GRIK4: variants seen among roughly 807,000 people sequenced by gnomAD.
GRIK4 encodes glutamate ionotropic receptor kainate type subunit 4, also known as glutamate receptor ionotropic, kainate 4.
Under a neutral mutation model 104.9 loss-of-function variants are expected in GRIK4, and 40 were observed. That is an observed-to-expected ratio of 0.38 (90% CI 0.30 to 0.50). The LOEUF (loss-of-function observed/expected upper bound fraction) is 0.50. GRIK4 is among the 20% of genes least tolerant of loss of function. The probability of loss-of-function intolerance (pLI) is 0.93; values close to 1 mark genes in which losing one functional copy is unlikely to be tolerated. For missense variants in GRIK4, 1,047 were observed against 1,308.1 expected (o/e 0.80, Z 3.08); for synonymous variants, 485 against 524.9 (o/e 0.92, Z 1.04).
chr11:120,891,088 T>A (rs969005576), intron 11 of GRIK4, among the ~76,000 whole-genome samples: 3 of 152,256 alleles, frequency 2.0e-5, no homozygotes, highest in Non-Finnish European at 4.4e-5. Context: ...ATGACAGCCC[T>A]GTGTGATTCT....
In GRIK4 at chr11:120,972,869, C is replaced by T. The variant is rs60175369; in HGVS notation, c.2395+5546C>T. On this transcript the variant is annotated intron_variant, in intron 19 of 20. Transcript: ENST00000527524. ...GCAAACCCCAGAAATATGTGCCATG[C>T]CTTAGTGAAGTGGGGGACGTAAGAG... is the stretch of plus-strand genomic sequence containing the variant. Among the ~76,000 whole-genome samples, 986 of 152,080 alleles carry T rather than the reference C, an allele frequency of 6.5e-3. 10 individuals are homozygous for T. The highest frequency in any genetic ancestry group is 0.023 in the African/African-American group (937 of 41,446).
chr11:120,954,866 G>A (rs4936568), intron 15 of GRIK4, among the ~76,000 whole-genome samples: 46,538 of 148,188 alleles, frequency 0.31, 7,746 homozygotes, highest in African/African-American at 0.42. Flanking sequence ...CTGTCTTAAG[G>A]TAGTGATTTT....
intron 9 of GRIK4, chr11:120,870,014 A>G (rs1390356810): frequency 6.6e-6 from 1 of 152,396 alleles, no homozygotes; most frequent in East Asian, 1.9e-4. Flanking sequence ...TGGCTGCAGC[A>G]GTCCAAGCAT....
chr11:120,808,954 C>T (rs1460249223), intron 4 of GRIK4, among the ~76,000 whole-genome samples: 1 of 152,136 alleles, frequency 6.6e-6, no homozygotes, highest in Non-Finnish European at 1.5e-5. Flanking sequence ...CTGAGCAGCT[C>T]CTCACTGTCA....
intron 1 of GRIK4, among the ~76,000 whole-genome samples, chr11:120,530,800 G>C (rs1429447625): frequency 6.6e-6 from 1 of 152,144 alleles, no homozygotes; most frequent in Non-Finnish European, 1.5e-5. Context: ...GGGTGTGGAG[G>C]GGATTCATTC....
chr11:120,684,834 C>CT (rs1163487626), intron 3 of GRIK4, among the ~76,000 whole-genome samples: 2 of 152,188 alleles, frequency 1.3e-5, no homozygotes, highest in Admixed American at 1.3e-4. Flanking sequence ...CCTCAGCCTC[C>CT]GAGTAGCTGG....
chr11:120,598,442 G>A (rs1469774937), intron 1 of GRIK4, among the ~76,000 whole-genome samples: 1 of 152,188 alleles, frequency 6.6e-6, no homozygotes, highest in Non-Finnish European at 1.5e-5. Flanking sequence ...CCTGCGTGGT[G>A]GAACCTGCCC....
intron 14 of GRIK4, among the ~76,000 whole-genome samples, chr11:120,946,185 C>G (rs1271691143): frequency 1.3e-5 from 2 of 152,200 alleles, no homozygotes; most frequent in South Asian, 4.1e-4. Flanking sequence ...AGTTTTCTGT[C>G]TCTTTTTTTC....
chr11:120,757,332 A>G (rs1951671381), intron 3 of GRIK4, among the ~76,000 whole-genome samples: 1 of 152,236 alleles, frequency 6.6e-6, no homozygotes, highest in South Asian at 2.1e-4. Context: ...CTTTTAGCCA[A>G]ACCTCAGCTC....
chr11:120,909,001 G>A (rs1288262607), intron 13 of GRIK4, among the ~76,000 whole-genome samples: 2 of 152,246 alleles, frequency 1.3e-5, no homozygotes, highest in African/African-American at 4.8e-5. Context: ...CATCACAGCA[G>A]CCCAAAGACG....
intron 3 of GRIK4, among the ~76,000 whole-genome samples, chr11:120,709,025 G>A (rs538782937): frequency 1.3e-5 from 2 of 152,156 alleles, no homozygotes; most frequent in African/African-American, 2.4e-5. Context: ...ATGGATGTGA[G>A]ATGTATAAAT....
At chr11:120,675,961 T>C (rs536085209) in intron 3 of GRIK4, among the ~76,000 whole-genome samples, 2 of 152,208 alleles carry the variant, frequency 1.3e-5, no homozygotes, top group Non-Finnish European at 2.9e-5. Context: ...AGGTCAGAAG[T>C]CTTAACTGAG....
At chr11:120,661,452 G>C (rs1375834154) in intron 3 of GRIK4, among the ~76,000 whole-genome samples, 8 of 152,228 alleles carry the variant, frequency 5.3e-5, no homozygotes, top group Non-Finnish European at 1.2e-4. Context: ...GGTGGGGTTG[G>C]GGGTGGGAGC....
Position 120,681,086 on chromosome 11 carries a change from C to T in GRIK4, c.82+20686C>T, listed in dbSNP as rs73010280. ...CTTGGGCCTTTTCACCTTTTTACCC[C>T]ATTCCTCAGTGCTCTTCCCTTCATC... is the stretch of plus-strand genomic sequence containing the variant. On this transcript the variant is annotated intron_variant, in intron 3 of 20. Coordinates refer to ENST00000527524, the MANE Select transcript of GRIK4 (RefSeq NM_014619.5). Among the ~76,000 whole-genome samples, 1,100 of 152,284 alleles carry T rather than the reference C, an allele frequency of 7.2e-3. 9 individuals are homozygous for T. The highest frequency in any genetic ancestry group is 0.012 in the South Asian group (57 of 4,830).
chr11:120,558,040 AAAG>A, intron 1 of GRIK4, among the ~76,000 whole-genome samples: 9 of 151,490 alleles, frequency 5.9e-5, no homozygotes, highest in African/African-American at 2.2e-4. Context: ...AAAAAAAAAA[AAAG>A]AAGTAATCGA....
intron 1 of GRIK4, among the ~76,000 whole-genome samples, chr11:120,607,692 C>T (rs567964443): frequency 1.9e-4 from 29 of 152,140 alleles, no homozygotes; most frequent in Middle Eastern, 3.4e-3. Context: ...GGGGTGTGGG[C>T]GTGAGACACA....
At chr11:120,754,864 T>C (rs1017990347) in intron 3 of GRIK4, among the ~76,000 whole-genome samples, 6 of 152,236 alleles carry the variant, frequency 3.9e-5, no homozygotes, top group Non-Finnish European at 8.8e-5. Flanking sequence ...TGCCCCTTTT[T>C]AATTGGGTTA....
chr11:120,808,806 C>T (rs1377607019), intron 4 of GRIK4, among the ~76,000 whole-genome samples: 3 of 152,180 alleles, frequency 2.0e-5, no homozygotes, highest in African/African-American at 7.2e-5. Flanking sequence ...AGGGAGACTG[C>T]ACCCTCTGCT....
chr11:120,658,265 T>C (rs1419800273), intron 2 of GRIK4, among the ~76,000 whole-genome samples: 1 of 152,226 alleles, frequency 6.6e-6, no homozygotes, highest in Non-Finnish European at 1.5e-5. Flanking sequence ...GCATATATAA[T>C]GTATTTCTCC....
Sources: allele counts gnomAD v4.1 joint callset (sites outside exome capture counted in the v4.1 genomes callset), GRCh38; gene constraint gnomAD v4.1.1; transcripts MANE v1.5; gene names NCBI Gene and HGNC (gene_info 2026-07-23, HGNC 2026-07-21).